Variants in SPTBN2 observed in about 807,000 individuals in gnomAD.
SPTBN2 encodes spectrin beta, non-erythrocytic 2.
A neutral mutation model predicts 284.2 loss-of-function variants in SPTBN2; 107 were observed. The observed-to-expected ratio is 0.38, with a 90% CI of 0.32 to 0.44. SPTBN2 has a LOEUF of 0.44. Among genes scored for constraint, SPTBN2 ranks in the 20% least tolerant of loss-of-function variants. The pLI, the probability that SPTBN2 is intolerant of heterozygous loss-of-function variation, is 1.00. For synonymous variants in SPTBN2, 1,289 were observed against 1,354.8 expected (o/e 0.95, Z 1.07); for missense variants, 2,569 against 3,287.1 (o/e 0.78, Z 5.34).
rs777301863 is a variant in SPTBN2, at chr11:66,696,339, G to A, written c.4216C>T (p.Leu1406=). 3 of 1,613,324 alleles carry A rather than the reference G, an allele frequency of 1.9e-6. No individual in the cohort carries two copies. The highest frequency in any genetic ancestry group is 3.3e-5 in the Admixed American group (2 of 60,020). Residue 1406 remains leucine, a synonymous_variant, in exon 21 of 38, where the codon CTG becomes TTG. Coordinates refer to ENST00000533211, the MANE Select transcript of SPTBN2 (RefSeq NM_006946.4). The part of the protein sequence containing the change: ...ESWLESLQAQ[L]HSDDYGKDLT... ...TCCTTGCCGTAGTCATCCGAGTGCA[G>A]CTGGGCCTGCAGGCTCTCCAGCCAG...
chr11:66,692,958 C>T lies in SPTBN2; in HGVS notation c.4985+12G>A, dbSNP rs199692345. 2,117 of 1,602,196 alleles carry T rather than the reference C, an allele frequency of 1.3e-3. No individual in the cohort carries two copies. The highest frequency in any genetic ancestry group is 1.6e-3 in the Non-Finnish European group (1,844 of 1,179,906). ...CCACCCCCAGGCTGGGCCGGGCTGC[C>T]GCTGCACCCACCTCTCTGGGTGCTC... is the stretch of plus-strand genomic sequence containing the variant. On this transcript the variant is annotated intron_variant, in intron 25 of 37. Coordinates refer to ENST00000533211, the MANE Select transcript of SPTBN2 (RefSeq NM_006946.4).
At chr11:66,731,466 C>T (rs960665827), upstream of SPTBN2, among the ~76,000 whole-genome samples, 2 of 152,162 alleles carry the variant, frequency 1.3e-5, no homozygotes, top group African/African-American at 4.8e-5. Flanking sequence ...TTGGCTCTGC[C>T]CACCAAACAT....
rs1174517839 is a variant in SPTBN2 at position 66,705,681 on chromosome 11, C to G, written c.1807+3G>C. The G allele has an allele frequency of 6.2e-7, 1 of 1,611,188 alleles. No homozygotes were observed. Among genetic ancestry groups the G allele is most frequent in the Non-Finnish European group, 8.5e-7 (1 of 1,180,020 alleles). ...CTCTCCAGTGCCTTCGCTGACTTCTCACCTTTCCCTGGGTTGCAGAAGCGC... is the reference window on the plus strand; with the variant it reads ...CTCTCCAGTGCCTTCGCTGACTTCTGACCTTTCCCTGGGTTGCAGAAGCGC... On this transcript the variant is annotated splice_donor_region_variant and intron_variant, in intron 14 of 37. Transcript: ENST00000533211.
chr11:66,694,063 T>C (rs1940747544), intron 22 of SPTBN2, 76 bp downstream of exon 22: 1 of 1,549,860 alleles, frequency 6.5e-7, no homozygotes, highest in Non-Finnish European at 8.8e-7. Context: ...TGCTGGCATC[T>C]CCCTGGCATC....
At chr11:66,695,305 C>T (rs1940842269) in intron 21 of SPTBN2, among the ~76,000 whole-genome samples, 1 of 152,198 alleles carries the variant, frequency 6.6e-6, no homozygotes, top group Admixed American at 6.5e-5. Context: ...ACCCAGGCTG[C>T]AGTGCAGTGG....
rs912834014 is a variant in SPTBN2 at position 66,683,783 on chromosome 11, C to T, written c.*2088G>A. 4.6e-5 allele frequency among the ~76,000 whole-genome samples: 7 copies of T among 152,222 alleles called. No individual in the cohort carries two copies. Among genetic ancestry groups the T allele is most frequent in the African/African-American group, 1.4e-4 (6 of 41,458 alleles). ...CTTCTGACATTTCCAATTATTGTTT[C>T]CCTTCAGTGCCCCCAGGCTTGCCAG... On this transcript the variant is annotated 3_prime_UTR_variant, in exon 38 of 38. Coordinates refer to ENST00000533211, the MANE Select transcript of SPTBN2 (RefSeq NM_006946.4).
Position 66,687,210 on chromosome 11 carries a change from C to G in SPTBN2, c.6723-43G>C, listed in dbSNP as rs766577701. 1 of 1,610,074 alleles carries G rather than the reference C, an allele frequency of 6.2e-7. No individual in the cohort carries two copies. The highest frequency in any genetic ancestry group is 1.1e-5 in the South Asian group (1 of 90,894). On this transcript the variant is annotated intron_variant, in intron 35 of 37. Coordinates refer to ENST00000533211, the MANE Select transcript of SPTBN2 (RefSeq NM_006946.4). The surrounding 1 kb of genome is among the most constrained non-coding windows in gnomAD (Gnocchi z 5.2). ...CTGACTGGCCGGCCTCAGTGGCGCC[C>G]GCAACCTGGAGCCCTCTTGGGTGTC...
chr11:66,688,585 C>T (rs1940314526), intron 31 of SPTBN2, 68 bp downstream of exon 31: 2 of 1,593,688 alleles, frequency 1.3e-6, no homozygotes, highest in African/African-American at 1.3e-5. Context: ...CATGTCTTCT[C>T]CAAGCAGAAG....
At chr11:66,739,292 A>G (rs1341912472) in intron 1 of SPTBN2, among the ~76,000 whole-genome samples, 1 of 152,160 alleles carries the variant, frequency 6.6e-6, no homozygotes, top group African/African-American at 2.4e-5. Context: ...GGTTCCAGAA[A>G]ACTAGCTTTA....
Position 66,710,262 on chromosome 11 carries a change from C to T in SPTBN2, c.1073+320G>A, listed in dbSNP as rs1321818230. Among the ~76,000 whole-genome samples the T allele has an allele frequency of 1.3e-5, 2 of 151,490 alleles. No individual in the cohort carries two copies. Among genetic ancestry groups the T allele is most frequent in the Non-Finnish European group, 2.9e-5 (2 of 67,966 alleles). On this transcript the variant is annotated intron_variant, in intron 10 of 37. Coordinates refer to ENST00000533211, the MANE Select transcript of SPTBN2 (RefSeq NM_006946.4). This position sits in a 1 kb window ranked among gnomAD's most constrained non-coding sequence, Gnocchi z 4.9. Reference sequence around the variant, plus strand: ...GTTTCACCATGTTGGCCAGGCTGGTCTCAAACTCCCGACCTCAGTAGAGAT... The same window carrying T: ...GTTTCACCATGTTGGCCAGGCTGGTTTCAAACTCCCGACCTCAGTAGAGAT...
intron 8 of SPTBN2, 127 bp downstream of exon 8, chr11:66,713,504 C>G (rs966248686): frequency 1.0e-5 from 8 of 779,322 alleles, no homozygotes; most frequent in African/African-American, 1.7e-5. Context: ...TTCTCTTCCC[C>G]CACCAAAGAA....
chr11:66,728,269 G>A (rs1163706398), intron 1 of SPTBN2: 1 of 145,748 alleles, frequency 6.9e-6, no homozygotes, highest in Admixed American at 6.8e-5. Context: ...GCAGCGGCCG[G>A]GCGCACGGCG....
At chr11:66,733,868 C>G (rs1010710667), upstream of SPTBN2, among the ~76,000 whole-genome samples, 2 of 151,696 alleles carry the variant, frequency 1.3e-5, no homozygotes, top group Non-Finnish European at 2.9e-5. Flanking sequence ...GTCCCAGCTA[C>G]TCGGGAGGCT....
intron 3 of SPTBN2, among the ~76,000 whole-genome samples, chr11:66,720,121 A>G (rs923810518): frequency 6.6e-6 from 1 of 152,144 alleles, no homozygotes; most frequent in African/African-American, 2.4e-5. Context: ...TTTGTAAAAA[A>G]CATCCCTGGG....
intron 8 of SPTBN2, among the ~76,000 whole-genome samples, chr11:66,713,325 G>A (rs1488239245): frequency 6.6e-6 from 1 of 150,826 alleles, no homozygotes; most frequent in East Asian, 1.9e-4. Flanking sequence ...TTTTTTGGGG[G>A]GGAGGGGTAG....
In SPTBN2 at chr11:66,710,754, T is replaced by C. The variant is rs897181468; in HGVS notation, c.901A>G (p.Met301Val). The change falls in exon 10 of 38, where the codon ATG becomes GTG. Residue 301 changes from methionine (M) to valine (V), a missense_variant. This residue lies in a region of SPTBN2 where 304 missense variants were observed against 522.1 expected (regional missense o/e 0.58). Coordinates refer to ENST00000533211, the MANE Select transcript of SPTBN2 (RefSeq NM_006946.4). The surrounding 1 kb of genome is among the most constrained non-coding windows in gnomAD (Gnocchi z 4.9). Reference sequence around the variant, plus strand: ...TTCTCCACCAGGCGCTCTGCCTCCATGGCATGGTCCAGCACCTGGGAGGCA... The same window carrying C: ...TTCTCCACCAGGCGCTCTGCCTCCACGGCATGGTCCAGCACCTGGGAGGCA... The part of the protein sequence containing the change: ...KRIGKVLDHA[M>V]EAERLVEKYE... 2.5e-6 allele frequency: 4 copies of C among 1,613,938 alleles called. No individual in the cohort carries two copies. In the East Asian group the frequency reaches 6.7e-5, roughly 27 times the overall value.
Position 66,700,805 on chromosome 11 carries a change from A to G in SPTBN2, c.3294T>C (p.Pro1098=), listed in dbSNP as rs1941197300. The change falls in exon 17 of 38, where the codon CCT becomes CCC. Residue 1098 remains proline, a synonymous_variant. Transcript: ENST00000533211. The surrounding 1 kb of genome is among the most constrained non-coding windows in gnomAD (Gnocchi z 6.6). ...GTTGGGCCAGGAGGGCCTCTGCCTC[A>G]GGCAGGGTGGCCGGCCCTTCTTCAG... ...VASEEGPATL[P]EAEALLAQHA... 4 of 1,600,920 alleles carry G rather than the reference A, an allele frequency of 2.5e-6. No individual in the cohort carries two copies. Among genetic ancestry groups the G allele is most frequent in the Non-Finnish European group, 3.4e-6 (4 of 1,179,770 alleles).
intron 36 of SPTBN2, 133 bp from the exon 37 acceptor site, chr11:66,686,573 G>A (rs1352327778): frequency 4.2e-6 from 4 of 958,192 alleles, no homozygotes; most frequent in Middle Eastern, 3.1e-4. Context: ...GACCAGACAC[G>A]CTCTGCACAT....
intron 7 of SPTBN2, 24 bp from the exon 8 acceptor site, chr11:66,713,770 G>A: frequency 6.5e-7 from 1 of 1,536,800 alleles, no homozygotes; most frequent in South Asian, 1.1e-5. Context: ...CAAGACAGAA[G>A]GGATCAGAAA....
Sources: gnomAD v4.1 joint callset for allele counts (sites outside exome capture counted in the v4.1 genomes callset) on GRCh38, gnomAD v4.1.1 for gene constraint, gnomAD v4.1.1 regional missense constraint, Gnocchi (gnomAD v3.1) non-coding constraint, MANE v1.5 for transcripts, NCBI Gene and HGNC (gene_info 2026-07-23, HGNC 2026-07-21) for gene names.